The following FUT8 variants were observed in gnomAD, a reference collection of about 807,000 sequenced individuals.
The protein encoded by FUT8 is alpha-(1,6)-fucosyltransferase.
A neutral mutation model predicts 71.3 loss-of-function variants in FUT8; 29 were observed. That is an observed-to-expected ratio of 0.41 (90% CI 0.30 to 0.55). The LOEUF (loss-of-function observed/expected upper bound fraction) is 0.55, where lower values mean the gene tolerates loss of function less well. Ranked by LOEUF, FUT8 falls within the 20% of genes least tolerant of loss-of-function variation. The pLI, the probability that FUT8 is intolerant of heterozygous loss-of-function variation, is 0.34. For synonymous variants in FUT8, 254 were observed against 239.3 expected (o/e 1.06, Z -0.57); for missense variants, 544 against 702.1 (o/e 0.77, Z 2.55).
intron 9 of FUT8, among the ~76,000 whole-genome samples, chr14:65,726,849 A>G: frequency 6.6e-6 from 1 of 152,214 alleles, no homozygotes; most frequent in East Asian, 1.9e-4. Flanking sequence ...AAAGCAAGTT[A>G]GTTGCTTCCT....
intron 3 of FUT8, among the ~76,000 whole-genome samples, chr14:65,563,409 A>G (rs1314977384): frequency 1.3e-5 from 2 of 151,980 alleles, no homozygotes; most frequent in Admixed American, 6.6e-5. Flanking sequence ...AAGTAATTTA[A>G]TTTGCTGAAG....
intron 2 of FUT8, among the ~76,000 whole-genome samples, chr14:65,469,964 C>T (rs1363352108): frequency 1.3e-5 from 2 of 152,208 alleles, no homozygotes; most frequent in Non-Finnish European, 2.9e-5. Flanking sequence ...CCCTCCCTGG[C>T]CTGAAGGTGG....
the FUT8 span, among the ~76,000 whole-genome samples, chr14:65,363,092 A>C: frequency 6.6e-6 from 1 of 151,028 alleles, no homozygotes; most frequent in Non-Finnish European, 1.5e-5. Flanking sequence ...TTTTAAACTG[A>C]AGGAATTTGA....
chr14:65,394,908 T>C, the FUT8 span, among the ~76,000 whole-genome samples: 2 of 152,188 alleles, frequency 1.3e-5, no homozygotes, highest in Non-Finnish European at 2.9e-5. Context: ...TATGCCAGAC[T>C]AATTTTTGTA....
chr14:65,688,158 T>C (rs887067787), intron 7 of FUT8, among the ~76,000 whole-genome samples: 1 of 152,220 alleles, frequency 6.6e-6, no homozygotes, highest in African/African-American at 2.4e-5. Context: ...CTCTTGCTTT[T>C]GCCAAATGCA....
At chr14:65,511,530 C>G (rs181303157) in intron 2 of FUT8, among the ~76,000 whole-genome samples, 26 of 152,218 alleles carry the variant, frequency 1.7e-4, no homozygotes, top group African/African-American at 6.0e-4. Context: ...GTCTTTCTCT[C>G]TTTAGCTCTA....
chr14:65,540,208 TG>T (rs1356619816), intron 2 of FUT8, among the ~76,000 whole-genome samples: 1 of 152,190 alleles, frequency 6.6e-6, no homozygotes, highest in Non-Finnish European at 1.5e-5. Flanking sequence ...GGAGTCATGA[TG>T]CCCCTAAAGT....
At chr14:65,403,589 A>C in the FUT8 span, among the ~76,000 whole-genome samples, 3 of 152,226 alleles carry the variant, frequency 2.0e-5, no homozygotes, top group Admixed American at 6.5e-5. Flanking sequence ...GGTTAGAGTT[A>C]GTGTTTTCCC....
intron 3 of FUT8, among the ~76,000 whole-genome samples, chr14:65,570,984 GT>G (rs748051950): frequency 6.6e-6 from 1 of 152,018 alleles, no homozygotes; most frequent in Non-Finnish European, 1.5e-5. Flanking sequence ...CAATCTAGTT[GT>G]TTCTGTACCT....
At chr14:65,541,418 C>A (rs1884672067) in intron 2 of FUT8, among the ~76,000 whole-genome samples, 1 of 152,148 alleles carries the variant, frequency 6.6e-6, no homozygotes, top group Admixed American at 6.5e-5. Context: ...CAGGGGAACC[C>A]AAGGTCTAAG....
In FUT8 at chr14:65,557,336, C is replaced by CTT. The variant is rs561664750; in HGVS notation, c.-227-3988_-227-3987dup. Among the ~76,000 whole-genome samples, 77 of 142,734 alleles carry CTT rather than the reference C, an allele frequency of 5.4e-4. 1 individual carries two copies. Among genetic ancestry groups the CTT allele is most frequent in the Admixed American group, 2.2e-3 (31 of 14,278 alleles). 93.6% of individuals were successfully genotyped at this position (142,734 alleles called of 152,430 possible). ...TGCCGAGATTTTGTCTCTCTCTCCC[C>CTT]TTTTTTTTTTTTTTGAGACAGAGCC... is the stretch of plus-strand genomic sequence containing the variant. On this transcript the variant is annotated intron_variant, in intron 2 of 10. Coordinates refer to ENST00000673929, the MANE Select transcript of FUT8 (RefSeq NM_001371533.1).
chr14:65,399,084 C>T, the FUT8 span, among the ~76,000 whole-genome samples: 2 of 152,134 alleles, frequency 1.3e-5, no homozygotes, highest in Non-Finnish European at 2.9e-5. Flanking sequence ...TTTGGGAGGC[C>T]AAAGTGGGTG....
chr14:65,502,465 T>G (rs1026849925), intron 2 of FUT8, among the ~76,000 whole-genome samples: 6 of 152,136 alleles, frequency 3.9e-5, no homozygotes, highest in Non-Finnish European at 7.4e-5. Context: ...CCTCAAGTGA[T>G]CTGTCCGCCT....
At chr14:65,421,567 A>AC (rs1411139300) in intron 1 of FUT8, among the ~76,000 whole-genome samples, 1 of 152,212 alleles carries the variant, frequency 6.6e-6, no homozygotes, top group Non-Finnish European at 1.5e-5. Flanking sequence ...AGTCTTGAAC[A>AC]ATCAGACAGT....
At chr14:65,457,602 G>A (rs1017504104) in intron 2 of FUT8, among the ~76,000 whole-genome samples, 1 of 152,120 alleles carries the variant, frequency 6.6e-6, no homozygotes, top group Non-Finnish European at 1.5e-5. Flanking sequence ...CACAATTTCT[G>A]TCCCTTTTAA....
chr14:65,529,339 C>CGA (rs1883768623), intron 2 of FUT8: 4 of 152,232 alleles, frequency 2.6e-5, no homozygotes, highest in Admixed American at 2.6e-4. Flanking sequence ...TCAAGCGATT[C>CGA]TCCTGCCTCA....
At position 65,532,305 on chromosome 14, in the gene FUT8, A is replaced by G. The variant is rs551552818; in HGVS notation, c.-227-29032A>G. Among the ~76,000 whole-genome samples the G allele has an allele frequency of 1.9e-4, 29 of 152,230 alleles. No homozygotes were observed. In the East Asian group the frequency reaches 4.6e-3, roughly 24 times the overall value. ...ATCTGATTTTTTTTACTTTTTAATAATAGCCATTCTGACTAATGTGAGATG... is the reference window on the plus strand; with the variant it reads ...ATCTGATTTTTTTTACTTTTTAATAGTAGCCATTCTGACTAATGTGAGATG... On this transcript the variant is annotated intron_variant, in intron 2 of 10. Transcript: ENST00000673929.
intron 7 of FUT8, 40 bp from the exon 8 acceptor site, chr14:65,721,735 A>G: frequency 1.2e-6 from 2 of 1,606,002 alleles, no homozygotes; most frequent in Non-Finnish European, 1.7e-6. Flanking sequence ...ATGTATAAGG[A>G]ATACCATGTG....
chr14:65,711,574 C>T (rs1654778696), intron 7 of FUT8, among the ~76,000 whole-genome samples: 1 of 152,064 alleles, frequency 6.6e-6, no homozygotes, highest in Non-Finnish European at 1.5e-5. Context: ...ATCATCTTCA[C>T]CTCAAGGAAA....
Sources: gnomAD v4.1 joint callset for allele counts (sites outside exome capture counted in the v4.1 genomes callset) on GRCh38, gnomAD v4.1.1 for gene constraint, MANE v1.5 for transcripts, NCBI Gene and HGNC (gene_info 2026-07-23, HGNC 2026-07-21) for gene names.